AFF1: variants seen among roughly 807,000 people sequenced by gnomAD.
AFF1 encodes the protein ALF transcription elongation factor 1, also known as AF4/FMR2 family member 1.
Under a neutral mutation model 121.7 loss-of-function variants are expected in AFF1, and 48 were observed. The observed-to-expected ratio is 0.39, with a 90% CI of 0.31 to 0.50. The LOEUF (loss-of-function observed/expected upper bound fraction) is 0.50. AFF1 is among the 20% of genes least tolerant of loss of function. The pLI is 0.76. For synonymous variants in AFF1, 613 were observed against 563.0 expected (o/e 1.09, Z -1.26); for missense variants, 1,523 against 1,511.7 (o/e 1.01, Z -0.12).
At chr4:87,033,989 C>A (rs10032200) in intron 2 of AFF1, among the ~76,000 whole-genome samples, 9,751 of 152,100 alleles carry the variant, frequency 0.064, 515 homozygotes, top group African/African-American at 0.14. Context: ...CACATGCATT[C>A]TTCCTTGGGA....
At chr4:86,989,553 A>T (rs935694286) in intron 2 of AFF1, among the ~76,000 whole-genome samples, 4 of 152,240 alleles carry the variant, frequency 2.6e-5, no homozygotes, top group South Asian at 4.1e-4. Flanking sequence ...GTGGAGAAAT[A>T]GGAAAGCTTT....
intron 8 of AFF1, among the ~76,000 whole-genome samples, chr4:87,097,845 T>C (rs775745170): frequency 2.6e-5 from 4 of 152,210 alleles, no homozygotes; most frequent in African/African-American, 4.8e-5. Flanking sequence ...CCCAAATTAA[T>C]TGGCAAATTG....
rs59568294 is a variant in AFF1, at chr4:86,982,848, C to CAAAA, written c.38+34301_38+34304dup. ...GGGCGACAGAGTAAGACTCTGTCTC[C>CAAAA]AAAAAAAAAAAAAAAAAAAAAAAAA... On this transcript the variant is annotated intron_variant, in intron 2 of 20. Coordinates refer to ENST00000395146, the MANE Select transcript of AFF1 (RefSeq NM_001166693.3). Among the ~76,000 whole-genome samples, 291 of 53,784 alleles carry CAAAA rather than the reference C, an allele frequency of 5.4e-3. 15 individuals are homozygous for CAAAA. Among genetic ancestry groups the CAAAA allele is most frequent in the African/African-American group, 0.019 (284 of 14,692 alleles). 35.3% of individuals were successfully genotyped at this position (53,784 alleles called of 152,430 possible). A position where few individuals can be genotyped will look rare whatever the true frequency, so the allele number is the denominator to read the frequency against.
At chr4:86,969,878 T>TAAAAAAAAAAAAAAAAAA (rs1255935904) in intron 2 of AFF1, among the ~76,000 whole-genome samples, 1 of 5,420 alleles carries the variant, frequency 1.8e-4, no homozygotes, top group Non-Finnish European at 8.9e-4. Flanking sequence ...AGACTCCGTC[T>TAAAAAAAAAAAAAAAAAA]CAAAAAAAAA....
At chr4:87,013,032 C>CTTTTTTTTTTTTTTTTTTTTTTTT (rs61071328) in intron 2 of AFF1, among the ~76,000 whole-genome samples, 2 of 93,514 alleles carry the variant, frequency 2.1e-5, no homozygotes, top group African/African-American at 4.3e-5. Context: ...CTATCAAGTT[C>CTTTTTTTTTTTTTTTTTTTTTTTT]TTTTTTTTTT....
chr4:87,121,221 A>G (rs1727653102), intron 12 of AFF1, among the ~76,000 whole-genome samples: 1 of 152,170 alleles, frequency 6.6e-6, no homozygotes. Context: ...CTGGGGATAA[A>G]CCACAGGGCA....
At chr4:87,132,538 T>C (rs1314769166) in intron 19 of AFF1, 130 bp downstream of exon 19, 3 of 784,314 alleles carry the variant, frequency 3.8e-6, no homozygotes, top group East Asian at 3.1e-5. Context: ...TTCATCTGTT[T>C]GCTGGTTGCT....
chr4:87,105,549 A>G, intron 8 of AFF1, 79 bp from the exon 9 acceptor site: 1 of 1,502,128 alleles, frequency 6.7e-7, no homozygotes, highest in Non-Finnish European at 9.3e-7. Context: ...TTAATTAGGC[A>G]TATTTTCTAT....
At chr4:87,020,045 T>G (rs752925560) in intron 2 of AFF1, among the ~76,000 whole-genome samples, 9 of 152,192 alleles carry the variant, frequency 5.9e-5, no homozygotes, top group Non-Finnish European at 4.4e-5. Flanking sequence ...AAACACAGAA[T>G]TTTTTGAAAA....
chr4:87,025,773 C>G (rs998320909), intron 2 of AFF1, among the ~76,000 whole-genome samples: 1 of 152,132 alleles, frequency 6.6e-6, no homozygotes, highest in Non-Finnish European at 1.5e-5. Context: ...GGAGAACTCT[C>G]GCTCTGCAGG....
chr4:86,969,147 G>A (rs908553337), intron 2 of AFF1, among the ~76,000 whole-genome samples: 1 of 143,946 alleles, frequency 6.9e-6, no homozygotes, highest in Non-Finnish European at 1.5e-5. Flanking sequence ...CTTGACCAGA[G>A]GGTGCATTTG....
intron 6 of AFF1, among the ~76,000 whole-genome samples, chr4:87,091,398 C>A (rs768775102): frequency 3.9e-4 from 60 of 152,094 alleles, no homozygotes; most frequent in African/African-American, 1.4e-3. Context: ...AGCGAGACTC[C>A]GTCTCAAAAA....
rs932970634 is a variant in AFF1 at position 87,139,698 on chromosome 4, C to G, written c.*3997C>G. 1.8e-5 allele frequency: 4 copies of G among 228,474 alleles called. No homozygotes were observed. Among genetic ancestry groups the G allele is most frequent in the African/African-American group, 8.9e-5 (4 of 45,072 alleles). The allele number at this position is 228,474 out of a possible 1,614,324, so 14.2% of individuals were successfully genotyped here. On this transcript the variant is annotated 3_prime_UTR_variant, in exon 21 of 21. Coordinates refer to ENST00000395146, the MANE Select transcript of AFF1 (RefSeq NM_001166693.3). ...GGATTAATGGATGTAAGGTATTTTC[C>G]TGTGCCTTTATTTTGTGTCATTCTA...
chr4:87,084,603 A>C (rs1723532486), intron 5 of AFF1, among the ~76,000 whole-genome samples: 1 of 121,434 alleles, frequency 8.2e-6, no homozygotes, highest in Non-Finnish European at 1.9e-5. Context: ...TAAATAAATA[A>C]AAAATAAAGA....
At chr4:87,076,702 T>C (rs887281223) in intron 4 of AFF1, among the ~76,000 whole-genome samples, 1 of 152,256 alleles carries the variant, frequency 6.6e-6, no homozygotes, top group African/African-American at 2.4e-5. Context: ...ATAACTGTGC[T>C]CATATATCTG....
In AFF1 at chr4:87,136,599, G is replaced by T; in HGVS notation, c.*898G>T. ...GAATTTCCTCCCTTGGGGAAGAAGG[G>T]AACCAACATTTATACCTGACCAGAT... is the stretch of plus-strand genomic sequence containing the variant. On this transcript the variant is annotated 3_prime_UTR_variant, in exon 21 of 21. Transcript: ENST00000395146. The T allele has an allele frequency of 4.3e-6, 1 of 231,272 alleles. No individual in the cohort carries two copies. Among genetic ancestry groups the T allele is most frequent in the Non-Finnish European group, 8.6e-6 (1 of 116,826 alleles). 14.3% of individuals were successfully genotyped at this position (231,272 alleles called of 1,614,324 possible).
intron 2 of AFF1, among the ~76,000 whole-genome samples, chr4:86,999,805 G>T (rs573489137): frequency 6.6e-6 from 1 of 151,446 alleles, no homozygotes; most frequent in Non-Finnish European, 1.5e-5. Context: ...AAAGGAAGCC[G>T]ACTTCTCTTG....
At chr4:86,958,270 T>G (rs952025000) in intron 2 of AFF1, among the ~76,000 whole-genome samples, 1 of 151,834 alleles carries the variant, frequency 6.6e-6, no homozygotes, top group Non-Finnish European at 1.5e-5. Context: ...ATTTTTTGTA[T>G]TTTTAGTAGA....
At chr4:87,116,122 T>C (rs1345626275) in intron 12 of AFF1, among the ~76,000 whole-genome samples, 1 of 152,244 alleles carries the variant, frequency 6.6e-6, no homozygotes, top group Non-Finnish European at 1.5e-5. Context: ...AACACCTCTT[T>C]ACAGTTACTA....
Sources: allele counts gnomAD v4.1 joint callset (sites outside exome capture counted in the v4.1 genomes callset), GRCh38; gene constraint gnomAD v4.1.1; transcripts MANE v1.5; gene names NCBI Gene and HGNC (gene_info 2026-07-23, HGNC 2026-07-21).